The following SLC35F3 variants were observed in gnomAD, a reference collection of about 807,000 sequenced individuals.
SLC35F3 encodes putative thiamine transporter SLC35F3.
SLC35F3 carries 25 observed loss-of-function variants against 49.9 expected under a neutral mutation model. The observed-to-expected ratio is 0.50, with a 90% CI of 0.37 to 0.70. The LOEUF is 0.70. Ranked by LOEUF, SLC35F3 falls within the 30% of genes least tolerant of loss-of-function variation. The pLI is 0.00. For synonymous variants in SLC35F3, 275 were observed against 265.4 expected (o/e 1.04, Z -0.35); for missense variants, 525 against 639.8 (o/e 0.82, Z 1.94).
intron 3 of SLC35F3, among the ~76,000 whole-genome samples, chr1:234,294,218 G>A (rs533653724): frequency 6.6e-6 from 1 of 152,262 alleles, no homozygotes; most frequent in African/African-American, 2.4e-5. Context: ...CAACACCCAG[G>A]GAGGCAGGTT....
intron 2 of SLC35F3, among the ~76,000 whole-genome samples, chr1:234,064,951 A>C (rs1664596232): frequency 6.6e-6 from 1 of 152,222 alleles, no homozygotes; most frequent in South Asian, 2.1e-4. Context: ...TTCTTTTATA[A>C]GAGGTAAAAA....
intron 2 of SLC35F3, among the ~76,000 whole-genome samples, chr1:233,916,593 G>T (rs6586379): frequency 4.6e-5 from 7 of 152,034 alleles, no homozygotes; most frequent in African/African-American, 1.2e-4. Context: ...TCAAAGTTAC[G>T]TGTAAATAAA....
intron 2 of SLC35F3, among the ~76,000 whole-genome samples, chr1:233,950,495 C>T (rs1571992944): frequency 1.4e-5 from 2 of 146,990 alleles, no homozygotes; most frequent in Non-Finnish European, 1.5e-5. Context: ...CTTTCTCCCT[C>T]CCCACTTCCT....
At chr1:233,996,156 GA>G (rs1328089948) in intron 2 of SLC35F3, among the ~76,000 whole-genome samples, 1 of 152,026 alleles carries the variant, frequency 6.6e-6, no homozygotes, top group Non-Finnish European at 1.5e-5. Flanking sequence ...AAATATTCAG[GA>G]AAAAACGGTT....
rs1488907274 is a variant in SLC35F3, at chr1:234,320,160, A to C, written c.1210A>C (p.Ile404Leu). ...ATATCCCACTCTGATGTCTCTTGGAATCGTCCTCAGCATACCTGTGAATGC... is the reference window on the plus strand; with the variant it reads ...ATATCCCACTCTGATGTCTCTTGGACTCGTCCTCAGCATACCTGTGAATGC... ...VTYPTLMSLG[I>L]VLSIPVNAVI... The change falls in exon 7 of 8, where the codon ATC (isoleucine) becomes CTC (leucine). Residue 404 changes from isoleucine (I) to leucine (L), a missense_variant. By Grantham distance (5) the Ile-to-Leu change is conservative (BLOSUM62 2). Transcript: ENST00000366618. The surrounding 1 kb of genome is among the most constrained non-coding windows in gnomAD (Gnocchi z 4.8). The C allele has an allele frequency of 6.2e-7, 1 of 1,613,878 alleles. No individual in the cohort carries two copies. The highest frequency in any genetic ancestry group is 8.5e-7 in the Non-Finnish European group (1 of 1,179,894).
chr1:234,039,684 A>G (rs4522050), intron 2 of SLC35F3, among the ~76,000 whole-genome samples: 32,718 of 152,080 alleles, frequency 0.22, 6,772 homozygotes, highest in African/African-American at 0.53. Flanking sequence ...CATGGAACCC[A>G]TGACAGGGGT....
intron 5 of SLC35F3, 79 bp downstream of exon 5, chr1:234,316,806 T>G (rs1657500938): frequency 2.2e-5 from 33 of 1,514,286 alleles, no homozygotes; most frequent in Non-Finnish European, 2.7e-5. Context: ...GCTTGTCCTT[T>G]ACTTTTCAAC....
At chr1:233,930,646 C>T (rs1662228940) in intron 2 of SLC35F3, among the ~76,000 whole-genome samples, 1 of 152,158 alleles carries the variant, frequency 6.6e-6, no homozygotes, top group South Asian at 2.1e-4. Flanking sequence ...CTACCAGTAG[C>T]TTACCGTTGA....
chr1:234,322,685 G>GTGTGTGTT, intron 7 of SLC35F3, among the ~76,000 whole-genome samples: 1 of 144,726 alleles, frequency 6.9e-6, no homozygotes, highest in African/African-American at 2.6e-5. Context: ...GTGTGTGTGT[G>GTGTGTGTT]TACTATCTAT....
chr1:234,124,441 A>G (rs1353098740), intron 2 of SLC35F3, among the ~76,000 whole-genome samples: 1 of 152,210 alleles, frequency 6.6e-6, no homozygotes, highest in Non-Finnish European at 1.5e-5. Flanking sequence ...CTCTTCCTCC[A>G]CCAACCCAAG....
At chr1:234,109,742 G>A (rs962258567) in intron 2 of SLC35F3, among the ~76,000 whole-genome samples, 9 of 152,200 alleles carry the variant, frequency 5.9e-5, no homozygotes, top group African/African-American at 1.9e-4. Context: ...GGACAAAGAG[G>A]TGACGGCCAC....
chr1:234,020,581 T>C (rs757805846), intron 2 of SLC35F3, among the ~76,000 whole-genome samples: 3 of 152,196 alleles, frequency 2.0e-5, no homozygotes, highest in Non-Finnish European at 2.9e-5. Context: ...TTGCTTAAAG[T>C]TTGCTTAAAT....
intron 4 of SLC35F3, among the ~76,000 whole-genome samples, chr1:234,313,405 G>A (rs559857072): frequency 8.5e-5 from 13 of 152,270 alleles, no homozygotes; most frequent in African/African-American, 2.6e-4. Context: ...TCTGGCAGCC[G>A]GGCAGGTTAT....
At chr1:234,224,394 G>T (rs1667256260) in intron 2 of SLC35F3, among the ~76,000 whole-genome samples, 2 of 152,104 alleles carry the variant, frequency 1.3e-5, no homozygotes, top group Admixed American at 1.3e-4. Flanking sequence ...TTTCTTAGAG[G>T]CCCTGTCTCC....
At chr1:234,054,114 G>A (rs1389318059) in intron 2 of SLC35F3, among the ~76,000 whole-genome samples, 3 of 152,154 alleles carry the variant, frequency 2.0e-5, no homozygotes, top group Admixed American at 6.5e-5. Flanking sequence ...TGACAATTAT[G>A]TGTCTTGGAG....
chr1:234,084,220 GACACACAC>G (rs34569981), intron 2 of SLC35F3, among the ~76,000 whole-genome samples: 4 of 148,208 alleles, frequency 2.7e-5, no homozygotes, highest in East Asian at 2.0e-4. Context: ...ATAAGGAATA[GACACACAC>G]ACACACACAC....
intron 2 of SLC35F3, among the ~76,000 whole-genome samples, chr1:234,035,353 G>A (rs888368816): frequency 3.3e-5 from 5 of 152,048 alleles, no homozygotes; most frequent in South Asian, 4.2e-4. Flanking sequence ...TTGAGAAGTC[G>A]GAAGCCAAGT....
At chr1:233,923,025 A>G (rs1034516748) in intron 2 of SLC35F3, among the ~76,000 whole-genome samples, 7 of 152,078 alleles carry the variant, frequency 4.6e-5, no homozygotes, top group African/African-American at 1.7e-4. Context: ...TTTGGTACCA[A>G]TACCATGCTG....
chr1:234,209,713 G>C (rs952915310), intron 2 of SLC35F3, among the ~76,000 whole-genome samples: 1 of 151,978 alleles, frequency 6.6e-6, no homozygotes, highest in Non-Finnish European at 1.5e-5. Flanking sequence ...ACAGCATGGA[G>C]TGCTTAAAAT....
Sources: allele counts gnomAD v4.1 joint callset (sites outside exome capture counted in the v4.1 genomes callset), GRCh38; gene constraint gnomAD v4.1.1; non-coding constraint Gnocchi (gnomAD v3.1); transcripts MANE v1.5; gene names NCBI Gene and HGNC (gene_info 2026-07-23, HGNC 2026-07-21).